Variants in LRRC20 observed in about 807,000 individuals in gnomAD.
LRRC20 encodes leucine-rich repeat-containing protein 20.
In LRRC20, 11 loss-of-function variants were observed where a neutral mutation model predicts 14.4. The ratio of observed to expected loss-of-function variants is 0.77; its 90% confidence interval spans 0.48 to 1.27. LRRC20 has a LOEUF of 1.27. LRRC20 is among the 50% of genes most tolerant of loss of function. LRRC20 has a pLI of 0.00. For synonymous variants in LRRC20, 121 were observed against 107.3 expected, an observed-to-expected ratio of 1.13 and a Z score of -0.79; for missense variants, 219 against 251.2, an observed-to-expected ratio of 0.87 and a Z score of 0.87.
At chr10:70,350,261 G>A (rs1293114527) in intron 2 of LRRC20, among the ~76,000 whole-genome samples, 3 of 152,208 alleles carry the variant, frequency 2.0e-5, no homozygotes, top group Non-Finnish European at 4.4e-5. Flanking sequence ...CACCTGGGCT[G>A]CAGCAGGGAA....
chr10:70,316,943 A>G (rs1339363249), intron 4 of LRRC20, among the ~76,000 whole-genome samples: 1 of 152,230 alleles, frequency 6.6e-6, no homozygotes, highest in African/African-American at 2.4e-5. Context: ...ACCACCTCGG[A>G]GGGCAAGTCA....
intron 1 of LRRC20, among the ~76,000 whole-genome samples, chr10:70,381,250 C>T (rs1589137827): frequency 2.0e-5 from 3 of 152,316 alleles, no homozygotes; most frequent in South Asian, 2.1e-4. Flanking sequence ...AAGGACTTTG[C>T]GAACCATTAC....
chr10:70,326,022 A>T (rs1842305534), intron 3 of LRRC20, among the ~76,000 whole-genome samples: 1 of 152,188 alleles, frequency 6.6e-6, no homozygotes, highest in South Asian at 2.1e-4. Flanking sequence ...TTAGAACAAC[A>T]TGAAATAGTA....
At chr10:70,317,680 G>A (rs1476462092) in intron 4 of LRRC20, among the ~76,000 whole-genome samples, 13 of 152,172 alleles carry the variant, frequency 8.5e-5, no homozygotes, top group East Asian at 1.9e-4. Flanking sequence ...GGTCCAGTCA[G>A]GCGTCTCCCT....
At chr10:70,365,338 G>A (rs1255822079) in intron 2 of LRRC20, among the ~76,000 whole-genome samples, 3 of 152,152 alleles carry the variant, frequency 2.0e-5, no homozygotes, top group African/African-American at 7.2e-5. Context: ...GATTACAGGC[G>A]CGAGCCACCG....
chr10:70,365,074 T>C (rs965494241), intron 2 of LRRC20, among the ~76,000 whole-genome samples: 5 of 149,620 alleles, frequency 3.3e-5, no homozygotes, highest in Admixed American at 3.3e-4. Context: ...TTTTTTTTTT[T>C]TTTGAGATGA....
At chr10:70,314,064 T>A (rs1429330869) in intron 4 of LRRC20, among the ~76,000 whole-genome samples, 3 of 152,084 alleles carry the variant, frequency 2.0e-5, no homozygotes, top group African/African-American at 7.2e-5. Flanking sequence ...TATAAAACCA[T>A]CAGATCTCGT....
At chr10:70,327,579 TAA>T (rs60686183) in intron 3 of LRRC20, among the ~76,000 whole-genome samples, 172 of 144,758 alleles carry the variant, frequency 1.2e-3, no homozygotes, top group Admixed American at 1.2e-3. Context: ...AGACTCTATC[TAA>T]AAAAAAAAAA....
At chr10:70,328,373 T>G (rs1842405714) in intron 3 of LRRC20, among the ~76,000 whole-genome samples, 1 of 151,898 alleles carries the variant, frequency 6.6e-6, no homozygotes. Flanking sequence ...CTTGGCTCAC[T>G]GCAACCTCCG....
intron 3 of LRRC20, among the ~76,000 whole-genome samples, 197 bp from the exon 4 acceptor site, chr10:70,324,227 C>T (rs534311795): frequency 2.6e-5 from 4 of 152,328 alleles, no homozygotes; most frequent in South Asian, 4.1e-4. Flanking sequence ...TACCGCTGCC[C>T]GGGGCCTGCC....
chr10:70,340,768 C>T (rs1589089400), intron 2 of LRRC20, 66 bp from the exon 3 acceptor site: 1 of 1,557,346 alleles, frequency 6.4e-7, no homozygotes, highest in East Asian at 2.3e-5. Flanking sequence ...TTGTCCCAGA[C>T]TCACACAGAC....
At chr10:70,302,244 C>T (rs1362375747) in intron 4 of LRRC20, among the ~76,000 whole-genome samples, 5 of 151,864 alleles carry the variant, frequency 3.3e-5, no homozygotes, top group African/African-American at 7.3e-5. Flanking sequence ...ACCCACGAGG[C>T]GGAGGTTGCA....
intron 2 of LRRC20, among the ~76,000 whole-genome samples, chr10:70,349,174 G>C (rs1247446510): frequency 6.6e-6 from 1 of 152,196 alleles, no homozygotes; most frequent in Non-Finnish European, 1.5e-5. Context: ...AAGGCTCCTG[G>C]GTGAGGACGT....
At chr10:70,324,101 C>G in intron 3 of LRRC20, 71 bp from the exon 4 acceptor site, 1 of 1,448,212 alleles carries the variant, frequency 6.9e-7, no homozygotes. Flanking sequence ...TGACTGCCCG[C>G]TGTGGCTCTC....
At chr10:70,375,112 G>A (rs1356959414) in intron 2 of LRRC20, among the ~76,000 whole-genome samples, 1 of 152,122 alleles carries the variant, frequency 6.6e-6, no homozygotes, top group Non-Finnish European at 1.5e-5. Flanking sequence ...ACCAGTACAG[G>A]ATTCCGGAAT....
intron 4 of LRRC20, among the ~76,000 whole-genome samples, chr10:70,304,529 T>C (rs1428941285): frequency 7.0e-6 from 1 of 143,370 alleles, no homozygotes; most frequent in Non-Finnish European, 1.5e-5. Flanking sequence ...CCAATAACAA[T>C]CTTTTTTAAA....
intron 4 of LRRC20, among the ~76,000 whole-genome samples, chr10:70,306,659 T>TTG (rs755927527): frequency 2.6e-5 from 4 of 152,302 alleles, no homozygotes; most frequent in Non-Finnish European, 4.4e-5. Context: ...ATAATTACTA[T>TTG]TGTGTGTTTT....
chr10:70,306,204 A>G (rs1025367721), intron 4 of LRRC20, among the ~76,000 whole-genome samples: 1 of 151,684 alleles, frequency 6.6e-6, no homozygotes, highest in African/African-American at 2.4e-5. Flanking sequence ...CCCTCAGTGT[A>G]TATTTCCTAG....
chr10:70,325,592 C>T (rs1265768636), intron 3 of LRRC20, among the ~76,000 whole-genome samples: 3 of 152,210 alleles, frequency 2.0e-5, no homozygotes, highest in Non-Finnish European at 4.4e-5. Flanking sequence ...TTTAAAGAGC[C>T]TTGGAGTTGC....
Sources: gnomAD v4.1 joint callset for allele counts (sites outside exome capture counted in the v4.1 genomes callset) on GRCh38, gnomAD v4.1.1 for gene constraint, MANE v1.5 for transcripts, NCBI Gene and HGNC (gene_info 2026-07-23, HGNC 2026-07-21) for gene names.